SNRK: variants seen among roughly 807,000 people sequenced by gnomAD.
SNRK encodes the protein SNF-related serine/threonine-protein kinase.
SNRK carries 3 observed loss-of-function variants against 48.2 expected under a neutral mutation model. The observed-to-expected ratio is 0.06, with a 90% CI of 0.03 to 0.16. The LOEUF (loss-of-function observed/expected upper bound fraction) is 0.16. SNRK is among the 10% of genes least tolerant of loss of function. SNRK has a pLI of 1.00. For missense variants in SNRK, 627 were observed against 976.0 expected (o/e 0.64, Z 4.76); for synonymous variants, 376 against 366.1 (o/e 1.03, Z -0.31).
intron 4 of SNRK, among the ~76,000 whole-genome samples, chr3:43,334,583 C>A (rs575826768): frequency 2.0e-5 from 3 of 151,694 alleles, no homozygotes; most frequent in Admixed American, 1.3e-4. Context: ...GTATTAACCT[C>A]AAGTATTTAT....
chr3:43,290,351 C>T (rs981266543), intron 1 of SNRK, among the ~76,000 whole-genome samples: 1 of 152,182 alleles, frequency 6.6e-6, no homozygotes, highest in Non-Finnish European at 1.5e-5. Flanking sequence ...TTCAATCATA[C>T]AATTTTAGAA....
chr3:43,311,320 C>T (rs755668171), intron 3 of SNRK, among the ~76,000 whole-genome samples: 2 of 152,130 alleles, frequency 1.3e-5, no homozygotes, highest in Non-Finnish European at 2.9e-5. Flanking sequence ...TGTGCCTCAT[C>T]TAGAAAAGAG....
chr3:43,341,752 G>T (rs1306349258), intron 5 of SNRK, among the ~76,000 whole-genome samples: 1 of 152,180 alleles, frequency 6.6e-6, no homozygotes, highest in Non-Finnish European at 1.5e-5. Flanking sequence ...GCAGACCCCT[G>T]CTGTGTGTCT....
At chr3:43,324,508 C>CAA (rs11299310) in intron 3 of SNRK, among the ~76,000 whole-genome samples, 1 of 96,436 alleles carries the variant, frequency 1.0e-5, no homozygotes. Context: ...GACTCTGTCT[C>CAA]AAAAAAAAAA....
In SNRK at chr3:43,347,669, G is replaced by A; in HGVS notation, c.1410G>A (p.Lys470=). Residue 470 remains lysine, a synonymous_variant, in exon 7 of 7, where the codon AAG becomes AAA. Coordinates refer to ENST00000296088, the MANE Select transcript of SNRK (RefSeq NM_017719.5). The surrounding 1 kb of genome is among the most constrained non-coding windows in gnomAD (Gnocchi z 5.4). Reference sequence around the variant, plus strand: ...CAACACAAGTGGTTTTGCGCCGGAAGCCATCTGTAACCAACCGCCTGACAT... The same window carrying A: ...CAACACAAGTGGTTTTGCGCCGGAAACCATCTGTAACCAACCGCCTGACAT... ...SLSTQVVLRR[K]PSVTNRLTSR... 6.2e-7 allele frequency: 1 copy of A among 1,613,760 alleles called. No individual in the cohort carries two copies. Among genetic ancestry groups the A allele is most frequent in the Non-Finnish European group, 8.5e-7 (1 of 1,180,030 alleles).
At chr3:43,309,732 T>C (rs772007383) in intron 3 of SNRK, among the ~76,000 whole-genome samples, 9 of 152,084 alleles carry the variant, frequency 5.9e-5, no homozygotes, top group Non-Finnish European at 1.2e-4. Context: ...TCCTCGCACT[T>C]CAGCCTCCTG....
chr3:43,329,641 G>A (rs563604332), intron 3 of SNRK, among the ~76,000 whole-genome samples: 2 of 152,184 alleles, frequency 1.3e-5, no homozygotes, highest in East Asian at 3.9e-4. Flanking sequence ...CAATCTTTTA[G>A]CATTTCTATA....
At position 43,343,476 on chromosome 3, in the gene SNRK, T is replaced by A; in HGVS notation, c.1077T>A (p.Phe359Leu). ...SASPSNIKAQ[F>L]RQSWPTKIDV... Reference sequence around the variant, plus strand: ...GCCCGAGCAATATCAAGGCCCAGTTTAGGTGAGAAAAAAATCTTCACTGAT... The same window carrying A: ...GCCCGAGCAATATCAAGGCCCAGTTAAGGTGAGAAAAAAATCTTCACTGAT... The change falls in exon 6 of 7, where the codon TTT becomes TTA. Residue 359 changes from phenylalanine (F) to leucine (L), a missense_variant and splice_region_variant. Phe to Leu is a conservative substitution (Grantham distance 22). Transcript: ENST00000296088. 6.2e-7 allele frequency: 1 copy of A among 1,607,322 alleles called. No homozygotes were observed. Among genetic ancestry groups the A allele is most frequent in the Non-Finnish European group, 8.5e-7 (1 of 1,178,456 alleles).
chr3:43,305,218 TA>T (rs1414718284), intron 3 of SNRK, among the ~76,000 whole-genome samples: 2 of 152,154 alleles, frequency 1.3e-5, no homozygotes, highest in African/African-American at 4.8e-5. Flanking sequence ...CTGGTAAAGG[TA>T]AAGATGTACA....
At chr3:43,342,261 C>T (rs993541957) in intron 5 of SNRK, among the ~76,000 whole-genome samples, 1 of 152,182 alleles carries the variant, frequency 6.6e-6, no homozygotes, top group African/African-American at 2.4e-5. Flanking sequence ...GAGCGTCTTG[C>T]TGTCCTCTCA....
intron 3 of SNRK, among the ~76,000 whole-genome samples, chr3:43,322,446 C>T (rs1428814236): frequency 6.6e-6 from 1 of 152,080 alleles, no homozygotes; most frequent in East Asian, 1.9e-4. Context: ...AATTATAATG[C>T]AAACAAGTTG....
At chr3:43,300,942 C>T (rs941695761) in intron 2 of SNRK, among the ~76,000 whole-genome samples, 31 of 152,350 alleles carry the variant, frequency 2.0e-4, no homozygotes, top group Middle Eastern at 3.4e-3. Context: ...GTCAGACAGC[C>T]GTGGGTTTCA....
At chr3:43,331,549 C>T (rs1001649666) in intron 3 of SNRK, among the ~76,000 whole-genome samples, 1 of 152,170 alleles carries the variant, frequency 6.6e-6, no homozygotes, top group African/African-American at 2.4e-5. Context: ...ATTGTAACGG[C>T]TCCATTGAGT....
At chr3:43,322,795 AC>A (rs2091063845) in intron 3 of SNRK, among the ~76,000 whole-genome samples, 1 of 151,912 alleles carries the variant, frequency 6.6e-6, no homozygotes, top group African/African-American at 2.4e-5. Flanking sequence ...TACTAAAAAT[AC>A]AAAAAATTAG....
intron 3 of SNRK, among the ~76,000 whole-genome samples, chr3:43,314,633 G>T (rs1272796863): frequency 1.3e-5 from 2 of 152,150 alleles, no homozygotes; most frequent in Non-Finnish European, 2.9e-5. Context: ...TGTGATTATA[G>T]CATTAAGTAT....
intron 3 of SNRK, among the ~76,000 whole-genome samples, chr3:43,312,280 A>C (rs965361040): frequency 6.6e-6 from 1 of 152,228 alleles, no homozygotes; most frequent in Non-Finnish European, 1.5e-5. Flanking sequence ...TAAGTCTTGA[A>C]TATAAACAAA....
chr3:43,341,525 AAT>A (rs1046597132), intron 5 of SNRK, among the ~76,000 whole-genome samples: 9 of 152,334 alleles, frequency 5.9e-5, no homozygotes, highest in East Asian at 3.9e-4. Flanking sequence ...TTTTTCTGAT[AAT>A]GATTAATTTC....
intron 3 of SNRK, among the ~76,000 whole-genome samples, chr3:43,312,882 C>G (rs2090988669): frequency 1.3e-5 from 2 of 151,862 alleles, no homozygotes. Flanking sequence ...ACACATCTAA[C>G]AAAAAAATAA....
intron 6 of SNRK, among the ~76,000 whole-genome samples, chr3:43,345,050 G>T (rs1410384387): frequency 6.6e-6 from 1 of 152,148 alleles, no homozygotes; most frequent in African/African-American, 2.4e-5. Context: ...TTTGAGCCCA[G>T]GAGTTCATGA....
Sources: gnomAD v4.1 joint callset for allele counts (sites outside exome capture counted in the v4.1 genomes callset) on GRCh38, gnomAD v4.1.1 for gene constraint, Gnocchi (gnomAD v3.1) non-coding constraint, MANE v1.5 for transcripts, NCBI Gene and HGNC (gene_info 2026-07-23, HGNC 2026-07-21) for gene names.